ERBB4: variants seen among roughly 807,000 people sequenced by gnomAD.
ERBB4 encodes the protein erb-b2 receptor tyrosine kinase 4, also known as receptor tyrosine-protein kinase erbB-4.
A neutral mutation model predicts 158.0 loss-of-function variants in ERBB4; 42 were observed. The ratio of observed to expected loss-of-function variants is 0.27; its 90% CI spans 0.21 to 0.34. ERBB4 has a LOEUF of 0.34. Ranked by LOEUF, ERBB4 falls within the 10% of genes least tolerant of loss-of-function variation. The pLI is 1.00. For synonymous variants in ERBB4, 583 were observed against 558.7 expected (o/e 1.04, Z -0.61); for missense variants, 1,333 against 1,624.1 (o/e 0.82, Z 3.08).
At position 211,628,619 on chromosome 2, in the gene ERBB4, G is replaced by A. The variant is rs181807000; in HGVS notation, c.2079+1843C>T. Among the ~76,000 whole-genome samples the A allele has an allele frequency of 4.2e-3, 644 of 152,222 alleles. 1 individual carries two copies. The highest frequency in any genetic ancestry group is 0.013 in the African/African-American group (556 of 41,542). On this transcript the variant is annotated intron_variant, in intron 17 of 27. Transcript: ENST00000342788. ...AGTCTTTGCTATTGTGAATAGTGCC[G>A]CAATAAACATACATGTGCATGTGTC...
At chr2:212,124,700 T>C in intron 2 of ERBB4, 52 bp downstream of exon 2, 1 of 1,603,184 alleles carries the variant, frequency 6.2e-7, no homozygotes, top group Admixed American at 1.7e-5. Context: ...CCTGTATGCA[T>C]CATGACGCCA....
At chr2:211,666,872 A>G (rs1246730105) in intron 14 of ERBB4, among the ~76,000 whole-genome samples, 1 of 152,210 alleles carries the variant, frequency 6.6e-6, no homozygotes, top group Non-Finnish European at 1.5e-5. Context: ...ACAGAGAGAC[A>G]ATTCTATCAC....
rs537008773 is a variant in ERBB4, at chr2:211,704,291, G to T, written c.1199-97C>A. 8.4e-6 allele frequency: 7 copies of T among 829,520 alleles called. No homozygotes were observed. The East Asian group carries it at 1.5e-4, about 17-fold the overall frequency. 51.4% of individuals were successfully genotyped at this position (829,520 alleles called of 1,614,324 possible). On this transcript the variant is annotated intron_variant, in intron 10 of 27. Transcript: ENST00000342788. ...TATGGTGAAAATGTGTTGAAAGTTG[G>T]GAAGTGAGAAAGGGGTAGTGAACAT...
chr2:212,009,400 A>C (rs1010671740), intron 2 of ERBB4, among the ~76,000 whole-genome samples: 5 of 151,608 alleles, frequency 3.3e-5, no homozygotes, highest in African/African-American at 1.2e-4. Context: ...ACAACCAAGG[A>C]ACACTTGGGG....
At position 211,380,175 on chromosome 2, in the gene ERBB4, G is replaced by C. The variant is rs2125299814; in HGVS notation, c.*3440C>G. On this transcript the variant is annotated 3_prime_UTR_variant, in exon 28 of 28. Transcript: ENST00000342788. ...TTCATGCTATTTTAAGAATGTTACT[G>C]GAGAAAGGATTCTCATCCTAAGCTG... 4.3e-6 allele frequency: 1 copy of C among 232,008 alleles called. No individual in the cohort carries two copies. Among genetic ancestry groups the C allele is most frequent in the African/African-American group, 2.2e-5 (1 of 45,354 alleles). 14.4% of individuals were successfully genotyped at this position (232,008 alleles called of 1,614,324 possible). A position where few individuals can be genotyped will look rare whatever the true frequency, so the allele number is the denominator to read the frequency against.
intron 3 of ERBB4, among the ~76,000 whole-genome samples, chr2:211,866,677 G>C (rs572565944): frequency 1.3e-5 from 2 of 151,978 alleles, no homozygotes; most frequent in Non-Finnish European, 2.9e-5. Context: ...AGCATTAGTT[G>C]ATTCTGTGAC....
intron 1 of ERBB4, among the ~76,000 whole-genome samples, chr2:212,271,147 T>G (rs2085329705): frequency 6.6e-6 from 1 of 151,712 alleles, no homozygotes. Context: ...CTAATGCCTT[T>G]TGATTACAGA....
At chr2:211,529,278 A>C (rs2125657653) in intron 20 of ERBB4, among the ~76,000 whole-genome samples, 1 of 152,136 alleles carries the variant, frequency 6.6e-6, no homozygotes, top group African/African-American at 2.4e-5. Flanking sequence ...ATTCCTAGAC[A>C]CATACAACCT....
intron 3 of ERBB4, among the ~76,000 whole-genome samples, chr2:211,821,386 A>G (rs189198637): frequency 2.0e-5 from 3 of 152,000 alleles, no homozygotes; most frequent in Non-Finnish European, 4.4e-5. Flanking sequence ...CAAACAAAAG[A>G]AAAAGTATCC....
chr2:211,415,408 C>T (rs995069781), intron 25 of ERBB4, among the ~76,000 whole-genome samples: 6 of 152,200 alleles, frequency 3.9e-5, no homozygotes, highest in Admixed American at 1.3e-4. Context: ...CGTGAGCCAC[C>T]GCGCCCGGCC....
intron 20 of ERBB4, among the ~76,000 whole-genome samples, chr2:211,530,879 A>T (rs979383212): frequency 2.6e-5 from 4 of 152,120 alleles, no homozygotes; most frequent in Non-Finnish European, 5.9e-5. Flanking sequence ...ACAGAGTGAG[A>T]CCATGTCTTC....
At position 212,153,012 on chromosome 2, in the gene ERBB4, G is replaced by C. The variant is rs112972508; in HGVS notation, c.83-28109C>G. Among the ~76,000 whole-genome samples the C allele has an allele frequency of 6.6e-3, 1,006 of 152,248 alleles. 5 individuals carry two copies. Among genetic ancestry groups the C allele is most frequent in the Middle Eastern group, 0.024 (7 of 294 alleles). On this transcript the variant is annotated intron_variant, in intron 1 of 27. Coordinates refer to ENST00000342788, the MANE Select transcript of ERBB4 (RefSeq NM_005235.3). ...AAGGTAAGAGACACTTAAGGAAAAT[G>C]GGCAATTTGCCCTGACTGGAGAAGC...
chr2:212,039,539 C>T (rs1187449205), intron 2 of ERBB4, among the ~76,000 whole-genome samples: 1 of 152,134 alleles, frequency 6.6e-6, no homozygotes, highest in Non-Finnish European at 1.5e-5. Flanking sequence ...GTATTTTAAA[C>T]TTTTGAGAAC....
At chr2:212,007,313 C>G (rs1416231176) in intron 2 of ERBB4, among the ~76,000 whole-genome samples, 1 of 151,692 alleles carries the variant, frequency 6.6e-6, no homozygotes, top group East Asian at 1.9e-4. Context: ...ATATTACTGT[C>G]TTAAAATTAT....
At chr2:211,944,206 A>ATATATATATAT (rs371912701) in intron 3 of ERBB4, among the ~76,000 whole-genome samples, 3 of 104,030 alleles carry the variant, frequency 2.9e-5, no homozygotes, top group South Asian at 2.8e-4. Flanking sequence ...TATACTATAT[A>ATATATATATAT]TATATATACA....
At chr2:212,226,939 T>C (rs924499042) in intron 1 of ERBB4, among the ~76,000 whole-genome samples, 12 of 152,050 alleles carry the variant, frequency 7.9e-5, no homozygotes, top group African/African-American at 2.9e-4. Flanking sequence ...GAAATGGAGA[T>C]AGATTCTAAG....
intron 1 of ERBB4, among the ~76,000 whole-genome samples, chr2:212,455,151 T>C (rs899925263): frequency 1.1e-4 from 15 of 140,836 alleles, no homozygotes; most frequent in Non-Finnish European, 1.6e-4. Context: ...CCTTTTTCCA[T>C]TCAAGAAACA....
chr2:212,218,879 C>T (rs1297760818), intron 1 of ERBB4, among the ~76,000 whole-genome samples: 1 of 151,300 alleles, frequency 6.6e-6, no homozygotes, highest in Non-Finnish European at 1.5e-5. Flanking sequence ...GCCATGTTTA[C>T]TGTTTTTAAA....
intron 20 of ERBB4, among the ~76,000 whole-genome samples, chr2:211,461,813 C>G (rs2064538845): frequency 6.6e-6 from 1 of 151,458 alleles, no homozygotes; most frequent in Non-Finnish European, 1.5e-5. Flanking sequence ...TAAGGAAAAG[C>G]AAAATGGTAA....
Sources: gnomAD v4.1 joint callset for allele counts (sites outside exome capture counted in the v4.1 genomes callset) on GRCh38, gnomAD v4.1.1 for gene constraint, MANE v1.5 for transcripts, NCBI Gene and HGNC (gene_info 2026-07-23, HGNC 2026-07-21) for gene names.